Variants in CALN1 observed in about 807,000 individuals in gnomAD.
CALN1 encodes the protein calneuron 1.
A neutral mutation model predicts 30.6 loss-of-function variants in CALN1; 17 were observed. That is an observed-to-expected ratio of 0.56 (90% confidence interval 0.38 to 0.83). CALN1 has a LOEUF of 0.83. Among genes scored for constraint, CALN1 ranks in the 40% least tolerant of loss-of-function variants. The pLI, the probability that CALN1 is intolerant of heterozygous loss-of-function variation, is 0.00. For synonymous variants in CALN1, 156 were observed against 131.4 expected (o/e 1.19, Z -1.28); for missense variants, 291 against 354.9 (o/e 0.82, Z 1.45).
chr7:72,094,426 G>C (rs934026432), intron 4 of CALN1, among the ~76,000 whole-genome samples: 3 of 152,014 alleles, frequency 2.0e-5, no homozygotes, highest in Middle Eastern at 6.3e-3. Flanking sequence ...AGCTAATTCT[G>C]TATTTTTAGT....
At chr7:71,806,245 C>T (rs566618672) in intron 6 of CALN1, among the ~76,000 whole-genome samples, 26 of 149,812 alleles carry the variant, frequency 1.7e-4, no homozygotes, top group African/African-American at 5.7e-4. Context: ...CACATGTGCA[C>T]GCATGCACAC....
chr7:72,409,439 T>C (rs1225032216), intron 1 of CALN1, among the ~76,000 whole-genome samples: 3 of 145,234 alleles, frequency 2.1e-5, no homozygotes, highest in Non-Finnish European at 4.5e-5. Context: ...GCGCAGAGTA[T>C]AATCTTAAAC....
chr7:72,356,503 C>T (rs940151716), intron 2 of CALN1, among the ~76,000 whole-genome samples: 1 of 151,842 alleles, frequency 6.6e-6, no homozygotes, highest in Non-Finnish European at 1.5e-5. Flanking sequence ...GTCAAGGATA[C>T]ACACTGCGGT....
chr7:72,462,545 C>G, the CALN1 span, among the ~76,000 whole-genome samples: 12 of 152,090 alleles, frequency 7.9e-5, no homozygotes, highest in Non-Finnish European at 1.8e-4. Context: ...CTGATGAGGT[C>G]GAGCAGTAAG....
chr7:72,362,702 A>T (rs2129559864), intron 2 of CALN1, among the ~76,000 whole-genome samples: 1 of 152,026 alleles, frequency 6.6e-6, no homozygotes, highest in African/African-American at 2.4e-5. Context: ...CACCCCCAGG[A>T]TATTCCTCTG....
chr7:71,828,695 C>T (rs1250404831), intron 5 of CALN1, among the ~76,000 whole-genome samples: 1 of 142,358 alleles, frequency 7.0e-6, no homozygotes, highest in Non-Finnish European at 1.5e-5. Context: ...AAGATATATA[C>T]ATATATACAT....
intron 3 of CALN1, among the ~76,000 whole-genome samples, chr7:72,245,362 T>TG (rs1194020587): frequency 6.6e-6 from 1 of 152,150 alleles, no homozygotes; most frequent in Non-Finnish European, 1.5e-5. Context: ...CTCACGCCTA[T>TG]AATCCCAGCA....
At chr7:72,004,966 T>C (rs2129528793) in intron 5 of CALN1, among the ~76,000 whole-genome samples, 1 of 152,220 alleles carries the variant, frequency 6.6e-6, no homozygotes, top group Non-Finnish European at 1.5e-5. Context: ...CCTACCAGAA[T>C]GGCTAAAATA....
intron 3 of CALN1, among the ~76,000 whole-genome samples, chr7:72,187,286 G>A (rs191486259): frequency 1.3e-5 from 2 of 152,112 alleles, no homozygotes; most frequent in Non-Finnish European, 2.9e-5. Flanking sequence ...GTAAGTGGTA[G>A]AAAACTACTA....
At position 72,435,592 on chromosome 7, in the gene CALN1, G is replaced by A. The variant is rs567205410; in HGVS notation, c.-226+11450C>T. Among the ~76,000 whole-genome samples, 15 of 152,308 alleles carry A rather than the reference G, an allele frequency of 9.8e-5. No individual in the cohort carries two copies. In the South Asian group the frequency reaches 2.7e-3, roughly 27 times the overall value. ...ACAGAAGCGAGGCAGCAGCCAGCGC[G>A]GAGAGGCCAGCAGCGCTCTGTGAAT... On this transcript the variant is annotated intron_variant, in intron 1 of 6. Coordinates refer to the CALN1 transcript ENST00000395276.
chr7:72,407,508 A>C (rs1183162465), intron 1 of CALN1, among the ~76,000 whole-genome samples: 1 of 152,172 alleles, frequency 6.6e-6, no homozygotes, highest in Non-Finnish European at 1.5e-5. Context: ...AAGTGTGTGC[A>C]AACAACTTTG....
intron 5 of CALN1, among the ~76,000 whole-genome samples, chr7:71,891,260 T>C (rs1793225123): frequency 6.6e-6 from 1 of 152,214 alleles, no homozygotes; most frequent in African/African-American, 2.4e-5. Flanking sequence ...TCCACAGCTC[T>C]TGCTTCCTAG....
At chr7:72,458,193 TATAA>T in the CALN1 span, among the ~76,000 whole-genome samples, 32 of 119,972 alleles carry the variant, frequency 2.7e-4, no homozygotes, top group South Asian at 6.7e-4. Context: ...TTTAATATAT[TATAA>T]TATATAATAT....
intron 5 of CALN1, among the ~76,000 whole-genome samples, chr7:72,023,234 T>C (rs1170384186): frequency 6.6e-6 from 1 of 152,156 alleles, no homozygotes; most frequent in African/African-American, 2.4e-5. Flanking sequence ...ATACACATTC[T>C]TAGACAAAAC....
intron 3 of CALN1, among the ~76,000 whole-genome samples, chr7:72,127,300 T>G (rs1808835177): frequency 6.6e-6 from 1 of 151,866 alleles, no homozygotes; most frequent in African/African-American, 2.4e-5. Context: ...GGATACTGAG[T>G]CACTGGGTTG....
intron 3 of CALN1, among the ~76,000 whole-genome samples, chr7:72,123,987 AG>A (rs1254667565): frequency 1.3e-5 from 2 of 152,236 alleles, no homozygotes; most frequent in African/African-American, 2.4e-5. Flanking sequence ...TGATATCAAA[AG>A]GGCAGCTCAG....
the CALN1 span, among the ~76,000 whole-genome samples, chr7:72,479,082 G>A: frequency 4.6e-5 from 7 of 151,960 alleles, no homozygotes; most frequent in East Asian, 3.9e-4. Context: ...GGGTTTCACC[G>A]TGTTAGCCAG....
At chr7:72,336,783 G>C in intron 2 of CALN1, 1 of 985,108 alleles carries the variant, frequency 1.0e-6, no homozygotes, top group Non-Finnish European at 1.2e-6. Context: ...GAGGCCCGCA[G>C]GGAGGGGGCG....
At chr7:71,868,120 G>C (rs906675901) in intron 5 of CALN1, among the ~76,000 whole-genome samples, 2 of 151,968 alleles carry the variant, frequency 1.3e-5, no homozygotes, top group Non-Finnish European at 2.9e-5. Flanking sequence ...CCCCATCCTA[G>C]AATCAGTATA....
Sources: allele counts gnomAD v4.1 joint callset (sites outside exome capture counted in the v4.1 genomes callset), GRCh38; gene constraint gnomAD v4.1.1; transcripts MANE v1.5; gene names NCBI Gene and HGNC (gene_info 2026-07-23, HGNC 2026-07-21).